Variants in PCDH15 observed in about 807,000 individuals in gnomAD.
The protein encoded by PCDH15 is protocadherin related 15.
PCDH15 carries 129 observed loss-of-function variants against 178.5 expected under a neutral mutation model. The observed-to-expected ratio is 0.72, with a 90% CI of 0.63 to 0.84. PCDH15 has a LOEUF of 0.84. Ranked by LOEUF, PCDH15 falls within the 40% of genes least tolerant of loss-of-function variation. The pLI is 0.00. For missense variants in PCDH15, 2,230 were observed against 2,099.9 expected (o/e 1.06, Z -1.21); for synonymous variants, 800 against 732.0 (o/e 1.09, Z -1.50).
intron 2 of PCDH15, among the ~76,000 whole-genome samples, chr10:55,426,791 G>A (rs1051429917): frequency 6.6e-6 from 1 of 152,124 alleles, no homozygotes; most frequent in Non-Finnish European, 1.5e-5. Context: ...AGGAGATAGT[G>A]TGGGAAGCTA....
intron 2 of PCDH15, among the ~76,000 whole-genome samples, chr10:55,069,248 G>GTT (rs80094733): frequency 1.5e-5 from 2 of 129,694 alleles, no homozygotes; most frequent in African/African-American, 3.0e-5. Context: ...CTGGTATTTT[G>GTT]TTTTTTTTTT....
chr10:54,184,009 G>C (rs1165389982), intron 12 of PCDH15, among the ~76,000 whole-genome samples: 1 of 152,136 alleles, frequency 6.6e-6, no homozygotes, highest in Non-Finnish European at 1.5e-5. Context: ...CAGGAAGGTA[G>C]ACTTCCTAGA....
intron 5 of PCDH15, among the ~76,000 whole-genome samples, chr10:54,347,253 G>GT (rs377382658): frequency 7.9e-4 from 120 of 152,030 alleles, no homozygotes; most frequent in African/African-American, 2.8e-3. Context: ...TCCCCTCCCA[G>GT]TTTTTAGGTT....
chr10:54,307,090 A>AAAAT (rs2060569007), intron 8 of PCDH15, among the ~76,000 whole-genome samples: 13 of 17,224 alleles, frequency 7.5e-4, no homozygotes, highest in South Asian at 3.0e-3. Flanking sequence ...ACATATATAT[A>AAAAT]TATGTGTGTG....
rs759092602 is a variant in PCDH15 at position 54,079,418 on chromosome 10, C to A, written c.2004G>T (p.Gly668=). 8.7e-6 allele frequency: 14 copies of A among 1,613,878 alleles called. No homozygotes were observed. The highest frequency in any genetic ancestry group is 2.2e-5 in the South Asian group (2 of 91,078). Residue 668 remains glycine, a synonymous_variant, in exon 17 of 38, where the codon GGG becomes GGT. Coordinates refer to ENST00000644397, the MANE Select transcript of PCDH15 (RefSeq NM_001384140.1). ...CCAGTGCTTTCCCTAAGGTTAGAAT[C>A]CCCGTGCTAGTGACAAAACAAACAA... is the stretch of plus-strand genomic sequence containing the variant. The part of the protein sequence containing the change: ...QRVFNLSETT[G]ILTLGKALDR...
chr10:55,233,654 A>G (rs1366748696), intron 1 of PCDH15, among the ~76,000 whole-genome samples: 2 of 151,986 alleles, frequency 1.3e-5, no homozygotes, highest in Non-Finnish European at 2.9e-5. Context: ...TCTCCTCCCT[A>G]GATATGCAAA....
intron 3 of PCDH15, among the ~76,000 whole-genome samples, chr10:54,383,941 C>G (rs1949588413): frequency 6.6e-6 from 1 of 151,372 alleles, no homozygotes; most frequent in African/African-American, 2.4e-5. Flanking sequence ...GACTCAGCCT[C>G]CATAATAGCT....
chr10:54,172,101 C>T (rs10825259), intron 13 of PCDH15, among the ~76,000 whole-genome samples: 62,019 of 151,848 alleles, frequency 0.41, 13,774 homozygotes, highest in African/African-American at 0.56. Context: ...TCCCCTGTGA[C>T]TTGCACTTAT....
At position 55,061,888 on chromosome 10, in the gene PCDH15, C is replaced by T. The variant is rs1448582460; in HGVS notation, c.-80+104688G>A. ...TACAAAACTTAGCTGGACATGGTAG[C>T]GAGTGCCTGCAGTCCCAGCTACTCA... On this transcript the variant is annotated intron_variant, in intron 2 of 5. Coordinates refer to the PCDH15 transcript ENST00000458638. 3.3e-5 allele frequency among the ~76,000 whole-genome samples: 5 copies of T among 152,172 alleles called. 1 individual carries two copies. In the South Asian group the frequency reaches 8.3e-4, roughly 25 times the overall value.
At chr10:54,756,073 A>ACG (rs1947058627) in intron 1 of PCDH15, among the ~76,000 whole-genome samples, 1 of 147,896 alleles carries the variant, frequency 6.8e-6, no homozygotes, top group Admixed American at 7.0e-5. Context: ...ACACACACAC[A>ACG]CACACACACA....
At chr10:55,218,643 A>C (rs1002848085) in intron 1 of PCDH15, among the ~76,000 whole-genome samples, 10 of 152,056 alleles carry the variant, frequency 6.6e-5, no homozygotes, top group Non-Finnish European at 1.5e-4. Flanking sequence ...CCATCAAAGC[A>C]AGTTAAAATC....
intron 2 of PCDH15, among the ~76,000 whole-genome samples, chr10:55,407,178 T>C (rs1838217527): frequency 6.6e-6 from 1 of 151,982 alleles, no homozygotes; most frequent in Non-Finnish European, 1.5e-5. Flanking sequence ...CAGAGATATG[T>C]GAAGGCAACC....
chr10:54,673,169 C>G (rs1265583444), intron 1 of PCDH15, among the ~76,000 whole-genome samples: 1 of 151,912 alleles, frequency 6.6e-6, no homozygotes, highest in Non-Finnish European at 1.5e-5. Flanking sequence ...TTTGCTGCAC[C>G]GACCAACCCG....
At chr10:54,139,489 G>A (rs1262066230) in intron 14 of PCDH15, among the ~76,000 whole-genome samples, 1 of 152,120 alleles carries the variant, frequency 6.6e-6, no homozygotes, top group African/African-American at 2.4e-5. Flanking sequence ...CTCATTGGGT[G>A]TCTGGGTCAT....
intron 2 of PCDH15, among the ~76,000 whole-genome samples, chr10:55,029,674 T>A (rs970974265): frequency 6.6e-6 from 1 of 152,162 alleles, no homozygotes; most frequent in Non-Finnish European, 1.5e-5. Context: ...TAACTGCCTG[T>A]TCCTTCTATT....
chr10:54,944,684 T>G (rs1838149804), intron 2 of PCDH15, among the ~76,000 whole-genome samples: 1 of 151,912 alleles, frequency 6.6e-6, no homozygotes, highest in African/African-American at 2.4e-5. Flanking sequence ...TCTCAGGTTG[T>G]TATATGAGCT....
At chr10:54,264,720 A>G (rs1007216388) in intron 8 of PCDH15, among the ~76,000 whole-genome samples, 1 of 152,174 alleles carries the variant, frequency 6.6e-6, no homozygotes, top group African/African-American at 2.4e-5. Context: ...TAAAGAAAAA[A>G]TATTTTTTAA....
chr10:55,253,399 G>C (rs944512490), intron 1 of PCDH15, among the ~76,000 whole-genome samples: 5 of 151,710 alleles, frequency 3.3e-5, no homozygotes, highest in African/African-American at 1.2e-4. Context: ...TGTATAGTTT[G>C]ATTCCTATGC....
chr10:54,160,179 G>GCC (rs149387076), intron 13 of PCDH15, among the ~76,000 whole-genome samples: 12 of 151,616 alleles, frequency 7.9e-5, no homozygotes, highest in African/African-American at 2.9e-4. Context: ...GATGATTCAT[G>GCC]CCCCCCCCAA....
Sources: allele counts gnomAD v4.1 joint callset (sites outside exome capture counted in the v4.1 genomes callset), GRCh38; gene constraint gnomAD v4.1.1; transcripts MANE v1.5; gene names NCBI Gene and HGNC (gene_info 2026-07-23, HGNC 2026-07-21).